Variants in CDH13 observed in about 807,000 individuals in gnomAD.
CDH13 encodes the protein cadherin 13.
In CDH13, 24 loss-of-function variants were observed where a neutral mutation model predicts 63.8. The ratio of observed to expected loss-of-function variants is 0.38; its 90% CI spans 0.27 to 0.53. The LOEUF is 0.53. Ranked by LOEUF, CDH13 falls within the 20% of genes least tolerant of loss-of-function variation. The probability of loss-of-function intolerance (pLI) is 0.85; values close to 1 mark genes in which losing one functional copy is unlikely to be tolerated. For synonymous variants in CDH13, 503 were observed against 355.3 expected (o/e 1.42, Z -4.67); for missense variants, 1,049 against 903.1 (o/e 1.16, Z -2.07).
chr16:82,951,972 C>G (rs1005292970), intron 2 of CDH13, among the ~76,000 whole-genome samples: 1 of 152,222 alleles, frequency 6.6e-6, no homozygotes, highest in Non-Finnish European at 1.5e-5. Context: ...TCCCTCCCAA[C>G]AGGGTCGTCA....
chr16:82,925,563 C>G (rs2042277202), intron 2 of CDH13, among the ~76,000 whole-genome samples: 1 of 152,080 alleles, frequency 6.6e-6, no homozygotes, highest in Non-Finnish European at 1.5e-5. Flanking sequence ...TATTCGTGTC[C>G]CCAGCCATTG....
chr16:83,684,536 G>C (rs1904284873), intron 10 of CDH13, among the ~76,000 whole-genome samples: 1 of 152,328 alleles, frequency 6.6e-6, no homozygotes, highest in Admixed American at 6.5e-5. Context: ...CTTCTGAATA[G>C]CTGGGAGGAC....
chr16:82,881,521 C>A (rs545100815), intron 2 of CDH13, among the ~76,000 whole-genome samples: 1 of 152,120 alleles, frequency 6.6e-6, no homozygotes, highest in East Asian at 1.9e-4. Flanking sequence ...TGGGAAGGAG[C>A]CATGACCTTA....
At chr16:83,238,559 G>T (rs1904284684) in intron 5 of CDH13, among the ~76,000 whole-genome samples, 1 of 152,138 alleles carries the variant, frequency 6.6e-6, no homozygotes, top group African/African-American at 2.4e-5. Flanking sequence ...TTGAAACCCT[G>T]GGGAAACATG....
chr16:83,319,882 C>A (rs2090184511), intron 5 of CDH13, among the ~76,000 whole-genome samples: 2 of 152,142 alleles, frequency 1.3e-5, no homozygotes, highest in Non-Finnish European at 2.9e-5. Context: ...CCTGCTCGTT[C>A]AAAATTTTCA....
At chr16:83,267,963 T>C (rs80257306) in intron 5 of CDH13, among the ~76,000 whole-genome samples, 15,231 of 152,174 alleles carry the variant, frequency 0.1, 881 homozygotes, top group East Asian at 0.19. Context: ...GAGATGACCA[T>C]GAATGGCAAA....
intron 6 of CDH13, among the ~76,000 whole-genome samples, chr16:83,406,089 GAAGCT>G (rs1304681136): frequency 6.6e-6 from 1 of 152,124 alleles, no homozygotes; most frequent in African/African-American, 2.4e-5. Flanking sequence ...CCAAATCAAG[GAAGCT>G]AATGTCCTCA....
chr16:83,088,082 A>C (rs1165281307), intron 3 of CDH13, among the ~76,000 whole-genome samples: 2 of 150,624 alleles, frequency 1.3e-5, no homozygotes, highest in African/African-American at 4.8e-5. Flanking sequence ...GCAAATACTT[A>C]GAAATATTTA....
intron 13 of CDH13, among the ~76,000 whole-genome samples, chr16:83,784,490 G>T (rs1915745357): frequency 6.6e-6 from 1 of 152,064 alleles, no homozygotes; most frequent in African/African-American, 2.4e-5. Context: ...AAATTAGCCA[G>T]CCATGGTGGC....
At chr16:83,214,579 C>CAGAAAA (rs2039438962) in intron 4 of CDH13, among the ~76,000 whole-genome samples, 1 of 39,792 alleles carries the variant, frequency 2.5e-5, no homozygotes, top group Non-Finnish European at 4.6e-5. Context: ...GACTCTGTCT[C>CAGAAAA]AAAAAAAAAA....
intron 4 of CDH13, among the ~76,000 whole-genome samples, chr16:83,150,458 C>T (rs186517129): frequency 9.2e-5 from 14 of 152,210 alleles, no homozygotes; most frequent in Non-Finnish European, 1.6e-4. Context: ...TGCTGCTCCC[C>T]ATAAGACCCT....
intron 5 of CDH13, among the ~76,000 whole-genome samples, chr16:83,334,541 T>A (rs1168803591): frequency 1.4e-5 from 2 of 147,776 alleles, no homozygotes; most frequent in African/African-American, 5.0e-5. Flanking sequence ...CTGGCTAGTT[T>A]AAAAAAAAAA....
intron 5 of CDH13, among the ~76,000 whole-genome samples, chr16:83,318,295 A>G (rs2090147952): frequency 6.6e-6 from 1 of 152,124 alleles, no homozygotes; most frequent in Non-Finnish European, 1.5e-5. Flanking sequence ...TCTTTTCTTT[A>G]AACTTTTAAA....
intron 6 of CDH13, among the ~76,000 whole-genome samples, chr16:83,430,216 G>A (rs1205419268): frequency 6.6e-6 from 1 of 152,192 alleles, no homozygotes; most frequent in Non-Finnish European, 1.5e-5. Flanking sequence ...TGTGGAACCA[G>A]CCTAAGTGTT....
At chr16:83,344,047 A>C (rs1222540791) in intron 5 of CDH13, among the ~76,000 whole-genome samples, 1 of 152,204 alleles carries the variant, frequency 6.6e-6, no homozygotes, top group East Asian at 1.9e-4. Context: ...TTCCAAATGC[A>C]GATGCCCTTT....
intron 5 of CDH13, among the ~76,000 whole-genome samples, chr16:83,235,872 G>A (rs544966258): frequency 6.6e-6 from 1 of 152,074 alleles, no homozygotes; most frequent in South Asian, 2.1e-4. Context: ...CTGCATTCGA[G>A]GTCCTTAAAC....
chr16:82,895,353 T>A lies in CDH13; in HGVS notation c.157+36880T>A, dbSNP rs2041216290. Among the ~76,000 whole-genome samples, 8 of 152,274 alleles carry A rather than the reference T, an allele frequency of 5.3e-5. 1 individual carries two copies. In the South Asian group the frequency reaches 1.7e-3, roughly 32 times the overall value. ...GTTACCCTCCCTCCTTCATCACACT[T>A]AGGCTCAAACACAAATTTGCCACCA... On this transcript the variant is annotated intron_variant, in intron 2 of 13. Coordinates refer to ENST00000567109, the MANE Select transcript of CDH13 (RefSeq NM_001257.5).
chr16:82,760,684 T>C (rs1279852843), intron 1 of CDH13, among the ~76,000 whole-genome samples: 1 of 152,132 alleles, frequency 6.6e-6, no homozygotes, highest in East Asian at 1.9e-4. Context: ...CCGCGTAATA[T>C]TTACAGAAAC....
chr16:82,920,268 T>A (rs954287877), intron 2 of CDH13, among the ~76,000 whole-genome samples: 4 of 152,168 alleles, frequency 2.6e-5, no homozygotes, highest in Non-Finnish European at 4.4e-5. Flanking sequence ...TCTTACATGT[T>A]TTTATTTTCC....
Sources: allele counts gnomAD v4.1 joint callset (sites outside exome capture counted in the v4.1 genomes callset), GRCh38; gene constraint gnomAD v4.1.1; transcripts MANE v1.5; gene names NCBI Gene and HGNC (gene_info 2026-07-23, HGNC 2026-07-21).